The following EPS8L2 variants were observed in gnomAD, a reference collection of about 807,000 sequenced individuals.
The protein encoded by EPS8L2 is EPS8 signaling adaptor L2.
EPS8L2 carries 81 observed loss-of-function variants against 99.4 expected under a neutral mutation model. The ratio of observed to expected loss-of-function variants is 0.82; its 90% CI spans 0.68 to 0.98. The LOEUF (loss-of-function observed/expected upper bound fraction) is 0.98. Among genes scored for constraint, EPS8L2 ranks in the 50% least tolerant of loss-of-function variants. EPS8L2 has a pLI of 0.00. For synonymous variants in EPS8L2, 509 were observed against 407.3 expected, an observed-to-expected ratio of 1.25 and a Z score of -3.01; for missense variants, 1,155 against 968.8, an observed-to-expected ratio of 1.19 and a Z score of -2.55.
rs150473321 is a variant in EPS8L2, at chr11:722,150, C to T, written c.1044C>T (p.Phe348=). Residue 348 remains phenylalanine (F), a synonymous_variant, in exon 12 of 21, where the codon TTC becomes TTT. Transcript: ENST00000318562. ...PSAAELVHFL[F]GPLDLIVNTC... ...CCGCGGAGCTCGTGCACTTCCTCTT[C>T]GGGCCTCTGGACCTGGTGCCTGGGG... The T allele has an allele frequency of 2.0e-5, 32 of 1,612,688 alleles. No individual in the cohort carries two copies. The East Asian group carries it at 5.6e-4, about 28-fold the overall frequency.
chr11:717,293 G>A (rs1277100400), intron 4 of EPS8L2, among the ~76,000 whole-genome samples: 2 of 152,144 alleles, frequency 1.3e-5, no homozygotes, highest in Non-Finnish European at 2.9e-5. Context: ...ACTGTAACCT[G>A]TTGGATCTGC....
chr11:712,762 C>A (rs577207676), intron 4 of EPS8L2, among the ~76,000 whole-genome samples: 1 of 152,366 alleles, frequency 6.6e-6, no homozygotes, highest in Non-Finnish European at 1.5e-5. Context: ...GCTCTTGAAT[C>A]GGGCTGTTTT....
In EPS8L2 at chr11:722,762, C is replaced by T. The variant is rs1223715606; in HGVS notation, c.1298C>T (p.Ala433Val). 1 of 1,602,494 alleles carries T rather than the reference C, an allele frequency of 6.2e-7. No homozygotes were observed. The highest frequency in any genetic ancestry group is 1.3e-5 in the African/African-American group (1 of 74,746). ...CCTCCTGTGGATGTGCTGCAGGAGG[C>T]CCCCTGGGAGGTGGAGGGGCTGGCG... ...WEPPVDVLQE[A>V]PWEVEGLASA... Residue 433 changes from alanine (A) to valine (V), a missense_variant, in exon 14 of 21, where the codon GCC becomes GTC. Ala to Val is a moderately conservative substitution (Grantham distance 64). Coordinates refer to ENST00000318562, the MANE Select transcript of EPS8L2 (RefSeq NM_022772.4).
At position 727,253 on chromosome 11, in the gene EPS8L2, G is replaced by A; in HGVS notation, c.*272G>A. The A allele has an allele frequency of 2.9e-6, 1 of 348,238 alleles. No individual in the cohort carries two copies. Among genetic ancestry groups the A allele is most frequent in the Non-Finnish European group, 5.3e-6 (1 of 188,564 alleles). The allele number at this position is 348,238 out of a possible 1,614,324, so 21.6% of individuals were successfully genotyped here. On this transcript the variant is annotated 3_prime_UTR_variant, in exon 21 of 21. Coordinates refer to ENST00000318562, the MANE Select transcript of EPS8L2 (RefSeq NM_022772.4). ...TTCTCTTGAGGCCACAGAACTCCCT[G>A]GGGCTGGGGCCTCTTTCTCTGGCCT...
rs766624259 is a variant in EPS8L2, at chr11:724,733, G to A, written c.1464G>A (p.Gln488=). 1.2e-6 allele frequency: 2 copies of A among 1,613,066 alleles called. No homozygotes were observed. The highest frequency in any genetic ancestry group is 1.7e-5 in the Admixed American group (1 of 60,022). The stretch of plus-strand genomic sequence containing the variant: ...CTCCTGTTCCTCACAGGGGCTACCA[G>A]CCAACACCAGCCATGGCCAAGTACG... ...VSSPHTHRGY[Q]PTPAMAKYVK... is the part of the protein sequence containing the mutation. Residue 488 remains glutamine (Q), a synonymous_variant, in exon 16 of 21, where the codon CAG becomes CAA. Coordinates refer to ENST00000318562, the MANE Select transcript of EPS8L2 (RefSeq NM_022772.4). The surrounding 1 kb of genome is among the most constrained non-coding windows in gnomAD (Gnocchi z 5.5).
At chr11:716,979 T>G (rs1181617047) in intron 4 of EPS8L2, among the ~76,000 whole-genome samples, 1 of 152,102 alleles carries the variant, frequency 6.6e-6, no homozygotes, top group Admixed American at 6.6e-5. Flanking sequence ...CTTATTTTAT[T>G]TATTTATTTA....
At chr11:711,521 T>C (rs1315738147) in intron 4 of EPS8L2, among the ~76,000 whole-genome samples, 1 of 151,824 alleles carries the variant, frequency 6.6e-6, no homozygotes, top group Non-Finnish European at 1.5e-5. Context: ...AATTATTTTA[T>C]TTTTTTGTGG....
rs771738847 is a variant in EPS8L2, at chr11:709,636, C to T, written c.100+28C>T. 25 of 1,609,716 alleles carry T rather than the reference C, an allele frequency of 1.6e-5. 1 individual carries two copies. Among genetic ancestry groups the T allele is most frequent in the South Asian group, 8.8e-5 (8 of 90,738 alleles). On this transcript the variant is annotated intron_variant, in intron 3 of 20. Coordinates refer to ENST00000318562, the MANE Select transcript of EPS8L2 (RefSeq NM_022772.4). ...GAGTGAGGTTTGAGAACGGGCTGGA[C>T]GTCACAGGGGAGAAATGGGCACTGC...
Position 720,882 on chromosome 11 carries a change from G to A in EPS8L2, c.530G>A (p.Gly177Asp), listed in dbSNP as rs1209251004. The A allele has an allele frequency of 2.6e-6, 4 of 1,513,828 alleles. No homozygotes were observed. Among genetic ancestry groups the A allele is most frequent in the East Asian group, 2.5e-5 (1 of 40,174 alleles). The allele number at this position is 1,513,828 out of a possible 1,614,324, so 93.8% of individuals were successfully genotyped here. A position where few individuals can be genotyped will look rare whatever the true frequency, so the allele number is the denominator to read the frequency against. The change falls in exon 7 of 21, where the codon GGC becomes GAC. Residue 177 changes from glycine to aspartate, a missense_variant. Gly to Asp is a moderately conservative substitution (Grantham distance 94). Coordinates refer to ENST00000318562, the MANE Select transcript of EPS8L2 (RefSeq NM_022772.4). ...AGCGCGTTGGCCGACTGCCGGCTGGGCAAGAAGATGCGGCCGCAGACCCTG... is the reference window on the plus strand; with the variant it reads ...AGCGCGTTGGCCGACTGCCGGCTGGACAAGAAGATGCGGCCGCAGACCCTG... ...IESALADCRLGKKMRPQTLKG... is the reference protein window; with the variant it reads ...IESALADCRLDKKMRPQTLKG...
intron 4 of EPS8L2, among the ~76,000 whole-genome samples, chr11:715,968 C>CTTT (rs150677634): frequency 2.2e-5 from 2 of 91,572 alleles, no homozygotes; most frequent in East Asian, 2.9e-4. Flanking sequence ...GATTATTTAT[C>CTTT]TTTTTTTTTT....
intron 4 of EPS8L2, 62 bp from the exon 5 acceptor site, chr11:719,999 TG>T: frequency 6.6e-7 from 1 of 1,520,984 alleles, no homozygotes. Flanking sequence ...CTGTGGCCCC[TG>T]GGGGCTGGGC....
chr11:726,197 G>C, intron 18 of EPS8L2, 27 bp downstream of exon 18: 2 of 1,594,480 alleles, frequency 1.3e-6, no homozygotes, highest in Non-Finnish European at 1.7e-6. Flanking sequence ...CGAGGCGGGG[G>C]TCCCGGGCCC....
intron 3 of EPS8L2, chr11:709,884 A>T: frequency 3.7e-6 from 2 of 537,216 alleles, no homozygotes; most frequent in Admixed American, 3.2e-5. Flanking sequence ...GATCACAGCG[A>T]GGTTCAGGCA....
In EPS8L2 at chr11:715,915, C is replaced by T. The variant is rs138622757; in HGVS notation, c.166-4147C>T. ...GATTACAGGCATGAGCCACCGCGCCCGGCATTGATTCACTTTTCCTACCTG... is the reference window on the plus strand; with the variant it reads ...GATTACAGGCATGAGCCACCGCGCCTGGCATTGATTCACTTTTCCTACCTG... On this transcript the variant is annotated intron_variant, in intron 4 of 20. Transcript: ENST00000318562. 4.1e-3 allele frequency among the ~76,000 whole-genome samples: 627 copies of T among 151,228 alleles called. 5 individuals carry two copies. Among genetic ancestry groups the T allele is most frequent in the African/African-American group, 0.013 (546 of 41,218 alleles).
At position 722,551 on chromosome 11, in the gene EPS8L2, TAGGGC is replaced by T; in HGVS notation, c.1208+10_1208+14del. The T allele has an allele frequency of 6.2e-7, 1 of 1,612,396 alleles. No individual in the cohort carries two copies. The highest frequency in any genetic ancestry group is 1.3e-5 in the African/African-American group (1 of 74,846). On this transcript the variant is annotated splice_donor_5th_base_variant and intron_variant, in intron 13 of 20. Coordinates refer to ENST00000318562, the MANE Select transcript of EPS8L2 (RefSeq NM_022772.4). ...GGGAGAGAGCTGGATGCGGCCCCGG[TAGGGC>T]AGGGCAGAGCAGTGCCGGGGCTTCA...
intron 5 of EPS8L2, 148 bp from the exon 6 acceptor site, chr11:720,449 T>G: frequency 7.7e-7 from 1 of 1,302,094 alleles, no homozygotes; most frequent in Non-Finnish European, 1.1e-6. Flanking sequence ...CTGCGGGGTG[T>G]GTCCCGGGCC....
intron 14 of EPS8L2, 114 bp downstream of exon 14, chr11:722,919 C>T (rs1232758457): frequency 1.7e-6 from 1 of 586,928 alleles, no homozygotes; most frequent in Non-Finnish European, 2.8e-6. Flanking sequence ...CCAGCCCTGA[C>T]ACCCACCCCT....
In EPS8L2 at chr11:724,803, T is replaced by C; in HGVS notation, c.1534T>C (p.Ser512Pro). 6.2e-7 allele frequency: 1 copy of C among 1,613,430 alleles called. No individual in the cohort carries two copies. Among genetic ancestry groups the C allele is most frequent in the Non-Finnish European group, 8.5e-7 (1 of 1,179,812 alleles). ...DFTARNANEL[S>P]VLKDEVLEVL... Reference sequence around the variant, plus strand: ...CACAGCCCGAAATGCCAACGAGCTATCGGTGCTCAAGGATGAGGTCCTAGA... The same window carrying C: ...CACAGCCCGAAATGCCAACGAGCTACCGGTGCTCAAGGATGAGGTCCTAGA... The change falls in exon 16 of 21, where the codon TCG becomes CCG. Residue 512 changes from serine (S) to proline (P), a missense_variant. Transcript: ENST00000318562. This position sits in a 1 kb window ranked among gnomAD's most constrained non-coding sequence, Gnocchi z 5.5.
At chr11:708,030 G>A (rs534969404) in intron 1 of EPS8L2, among the ~76,000 whole-genome samples, 1 of 152,254 alleles carries the variant, frequency 6.6e-6, no homozygotes, top group African/African-American at 2.4e-5. Flanking sequence ...CAGTGCCCCC[G>A]GGCCTCCCAG....
Sources: gnomAD v4.1 joint callset for allele counts (sites outside exome capture counted in the v4.1 genomes callset) on GRCh38, gnomAD v4.1.1 for gene constraint, Gnocchi (gnomAD v3.1) non-coding constraint, MANE v1.5 for transcripts, NCBI Gene and HGNC (gene_info 2026-07-23, HGNC 2026-07-21) for gene names.